The following PDE3B variants were observed in gnomAD, a reference collection of about 807,000 sequenced individuals.
The protein encoded by PDE3B is cGMP-inhibited 3',5'-cyclic phosphodiesterase 3B.
A neutral mutation model predicts 116.8 loss-of-function variants in PDE3B; 66 were observed. The observed-to-expected ratio is 0.56, with a 90% CI of 0.46 to 0.69. PDE3B has a LOEUF of 0.69. Among genes scored for constraint, PDE3B ranks in the 30% least tolerant of loss-of-function variants. PDE3B has a pLI of 0.00. For synonymous variants in PDE3B, 595 were observed against 533.6 expected (o/e 1.12, Z -1.59); for missense variants, 1,384 against 1,368.1 (o/e 1.01, Z -0.18).
the PDE3B span, among the ~76,000 whole-genome samples, chr11:14,885,377 A>C: frequency 6.6e-6 from 1 of 152,136 alleles, no homozygotes; most frequent in Non-Finnish European, 1.5e-5. Flanking sequence ...TTAGTAGTCA[A>C]AAAAGCTGCT....
At chr11:14,830,958 T>C in intron 8 of PDE3B, 112 bp downstream of exon 8, 1 of 555,196 alleles carries the variant, frequency 1.8e-6, no homozygotes, top group Non-Finnish European at 2.8e-6. Flanking sequence ...TATTTTTTAA[T>C]TTTTTTACTT....
At chr11:14,858,913 C>T in intron 12 of PDE3B, 130 bp from the exon 13 acceptor site, 2 of 594,166 alleles carry the variant, frequency 3.4e-6, no homozygotes, top group South Asian at 5.1e-5. Flanking sequence ...TTCACAGGTA[C>T]TAAAATACCT....
At chr11:14,733,529 CTT>C (rs1397396926) in intron 1 of PDE3B, among the ~76,000 whole-genome samples, 1 of 152,084 alleles carries the variant, frequency 6.6e-6, no homozygotes, top group African/African-American at 2.4e-5. Flanking sequence ...TAAGGTGTGG[CTT>C]TTGATTACAT....
rs1011769092 is a variant in PDE3B, at chr11:14,835,022, T to C, written c.2247T>C (p.Val749=). The change falls in exon 11 of 16, where the codon GTT becomes GTC. Residue 749 remains valine (V), a synonymous_variant. Coordinates refer to ENST00000282096, the MANE Select transcript of PDE3B (RefSeq NM_000922.4). ...ATGCCACAGATGTGCTACATGCAGT[T>C]TGGTATCTGACAACACGGCCAGTTC... ...RIHATDVLHA[V]WYLTTRPVPG... 10 of 1,613,338 alleles carry C rather than the reference T, an allele frequency of 6.2e-6. No individual in the cohort carries two copies. In the Admixed American group the frequency reaches 8.3e-5, roughly 13 times the overall value.
chr11:14,700,083 A>T (rs556141087), intron 1 of PDE3B, among the ~76,000 whole-genome samples: 87 of 151,926 alleles, frequency 5.7e-4, no homozygotes, highest in African/African-American at 2.0e-3. Context: ...TTGGAGTTAA[A>T]GTGTTGGCCT....
At position 14,671,711 on chromosome 11, in the gene PDE3B, C is replaced by A. The variant is rs567152728; in HGVS notation, c.978+26658C>A. Among the ~76,000 whole-genome samples, 116 of 152,036 alleles carry A rather than the reference C, an allele frequency of 7.6e-4. 1 individual carries two copies. Among genetic ancestry groups the A allele is most frequent in the Non-Finnish European group, 1.4e-3 (92 of 67,974 alleles). The stretch of plus-strand genomic sequence containing the variant: ...TCAGATGACTTTCTCCCCCATTTAT[C>A]CCTGGATAGAATGTCCTTTAAAAAA... On this transcript the variant is annotated intron_variant, in intron 1 of 15. Coordinates refer to ENST00000282096, the MANE Select transcript of PDE3B (RefSeq NM_000922.4).
intron 1 of PDE3B, among the ~76,000 whole-genome samples, chr11:14,759,554 T>TG (rs1464423596): frequency 6.6e-6 from 1 of 150,984 alleles, no homozygotes; most frequent in African/African-American, 2.4e-5. Flanking sequence ...AGTAGTTTTT[T>TG]TTTTTTTTTT....
chr11:14,894,474 G>A, the PDE3B span, among the ~76,000 whole-genome samples: 2 of 152,194 alleles, frequency 1.3e-5, no homozygotes, highest in African/African-American at 4.8e-5. Context: ...TGGTTCAGGA[G>A]TGGGCCCCCT....
intron 13 of PDE3B, 105 bp from the exon 14 acceptor site, chr11:14,861,100 C>T (rs1847941622): frequency 1.3e-6 from 1 of 796,064 alleles, no homozygotes; most frequent in African/African-American, 1.8e-5. Context: ...TTCTTTCTGT[C>T]ATTTAGACAG....
intron 1 of PDE3B, among the ~76,000 whole-genome samples, chr11:14,688,032 A>G (rs1481079652): frequency 6.6e-6 from 1 of 151,898 alleles, no homozygotes; most frequent in Non-Finnish European, 1.5e-5. Flanking sequence ...GAAAGTATGT[A>G]GTTTCCCTTT....
intron 1 of PDE3B, among the ~76,000 whole-genome samples, chr11:14,747,059 G>A (rs140778734): frequency 3.2e-4 from 49 of 152,332 alleles, no homozygotes; most frequent in Non-Finnish European, 5.4e-4. Flanking sequence ...AAAGGCGGAG[G>A]AGGTGTGTCA....
chr11:14,830,026 T>G (rs1451338063), intron 7 of PDE3B, among the ~76,000 whole-genome samples: 1 of 152,154 alleles, frequency 6.6e-6, no homozygotes, highest in Admixed American at 6.6e-5. Context: ...CTAAACATTA[T>G]ATTTTTAAGT....
chr11:14,885,871 C>T, the PDE3B span: 38 of 1,613,366 alleles, frequency 2.4e-5, no homozygotes, highest in Non-Finnish European at 3.1e-5. Flanking sequence ...TACATCATAG[C>T]CATTTAGAAC....
chr11:14,867,429 A>G, intron 14 of PDE3B, 77 bp from the exon 15 acceptor site: 1 of 1,275,142 alleles, frequency 7.8e-7, no homozygotes, highest in African/African-American at 1.5e-5. Flanking sequence ...AAAAAAACTC[A>G]AGATAATTTT....
chr11:14,857,157 G>A (rs2133987897), intron 12 of PDE3B, among the ~76,000 whole-genome samples: 1 of 152,294 alleles, frequency 6.6e-6, no homozygotes, highest in South Asian at 2.1e-4. Flanking sequence ...AAGTATTGAT[G>A]TATTTGCTGT....
chr11:14,781,305 T>C (rs1039503594), intron 2 of PDE3B, among the ~76,000 whole-genome samples: 3 of 152,312 alleles, frequency 2.0e-5, no homozygotes, highest in Admixed American at 6.5e-5. Context: ...CCTCCCTAAC[T>C]GATTTTATGA....
intron 12 of PDE3B, among the ~76,000 whole-genome samples, chr11:14,855,953 A>G (rs757302476): frequency 1.2e-4 from 18 of 152,210 alleles, no homozygotes; most frequent in Non-Finnish European, 2.4e-4. Context: ...AACTAAGATA[A>G]AGGAAGATAA....
intron 1 of PDE3B, among the ~76,000 whole-genome samples, chr11:14,650,293 T>C (rs1187845307): frequency 6.6e-6 from 1 of 151,786 alleles, no homozygotes; most frequent in East Asian, 1.9e-4. Flanking sequence ...AAACTCTGCC[T>C]TGCAGGCTCA....
intron 8 of PDE3B, 128 bp from the exon 9 acceptor site, chr11:14,831,512 A>T: frequency 2.1e-6 from 1 of 470,060 alleles, no homozygotes; most frequent in Non-Finnish European, 3.6e-6. Context: ...GACTATATTT[A>T]AGAATAACCA....
Sources: gnomAD v4.1 joint callset for allele counts (sites outside exome capture counted in the v4.1 genomes callset) on GRCh38, gnomAD v4.1.1 for gene constraint, MANE v1.5 for transcripts, NCBI Gene and HGNC (gene_info 2026-07-23, HGNC 2026-07-21) for gene names.